CALD1: variants seen among roughly 807,000 people sequenced by gnomAD.
CALD1 encodes caldesmon.
Under a neutral mutation model 99.9 loss-of-function variants are expected in CALD1, and 33 were observed. The ratio of observed to expected loss-of-function variants is 0.33; its 90% CI spans 0.25 to 0.44. The LOEUF (loss-of-function observed/expected upper bound fraction) is 0.44, where lower values mean the gene tolerates loss of function less well. Ranked by LOEUF, CALD1 falls within the 20% of genes least tolerant of loss-of-function variation. The pLI is 1.00. For missense variants in CALD1, 861 were observed against 962.1 expected (o/e 0.89, Z 1.39); for synonymous variants, 310 against 325.0 (o/e 0.95, Z 0.50).
intron 13 of CALD1, among the ~76,000 whole-genome samples, chr7:134,964,781 A>C (rs759960550): frequency 6.6e-5 from 10 of 152,200 alleles, no homozygotes; most frequent in Non-Finnish European, 1.2e-4. Context: ...AGAAATTTAA[A>C]ATGAGGCTAC....
rs1047992479 is a variant in CALD1 at position 134,915,764 on chromosome 7, T to G, written c.72-12990T>G. Among the ~76,000 whole-genome samples, 5 of 152,236 alleles carry G rather than the reference T, an allele frequency of 3.3e-5. No homozygotes were observed. In the East Asian group the frequency reaches 9.6e-4, roughly 29 times the overall value. ...TCACATTTTTATAGGGGTCTTCTAT[T>G]AACTCAAAGGGAGTCTTTAAGCATA... is the stretch of plus-strand genomic sequence containing the variant. On this transcript the variant is annotated intron_variant, in intron 3 of 14. Transcript: ENST00000361675.
chr7:134,924,596 G>C (rs1804852448), intron 3 of CALD1, among the ~76,000 whole-genome samples: 2 of 152,046 alleles, frequency 1.3e-5, no homozygotes, highest in Non-Finnish European at 2.9e-5. Context: ...CCAGCAACTG[G>C]ACATGTTATG....
chr7:134,754,730 T>C (rs976924044), intron 1 of CALD1, among the ~76,000 whole-genome samples: 2 of 103,924 alleles, frequency 1.9e-5, no homozygotes, highest in South Asian at 1.0e-3. Flanking sequence ...ACATATAGAG[T>C]TCATTCTACT....
chr7:134,773,779 CTT>C (rs1491574078), intron 1 of CALD1, among the ~76,000 whole-genome samples: 1 of 138,334 alleles, frequency 7.2e-6, no homozygotes, highest in East Asian at 2.0e-4. Flanking sequence ...CCCAACCTCT[CTT>C]CTGTGTGTGT....
chr7:134,732,080 T>C, the CALD1 span, among the ~76,000 whole-genome samples: 2 of 152,234 alleles, frequency 1.3e-5, no homozygotes, highest in Non-Finnish European at 2.9e-5. Flanking sequence ...TTTGTTGTTT[T>C]CTTTTTATTT....
intron 3 of CALD1, chr7:134,891,564 C>T: frequency 6.4e-7 from 1 of 1,568,682 alleles, no homozygotes; most frequent in Non-Finnish European, 8.6e-7. Flanking sequence ...CCCTGACCGC[C>T]CGGCCTGGCC....
chr7:134,743,663 G>C (rs188552282), upstream of CALD1, among the ~76,000 whole-genome samples: 1 of 152,300 alleles, frequency 6.6e-6, no homozygotes, highest in African/African-American at 2.4e-5. Flanking sequence ...TATTAGCTTG[G>C]AATCAATCAG....
At chr7:134,913,215 G>A (rs1003759069) in intron 3 of CALD1, among the ~76,000 whole-genome samples, 1 of 151,978 alleles carries the variant, frequency 6.6e-6, no homozygotes, top group African/African-American at 2.4e-5. Flanking sequence ...GCAGTGAGCC[G>A]AGATTATGCC....
At chr7:134,833,775 G>C (rs1799322359) in intron 1 of CALD1, among the ~76,000 whole-genome samples, 1 of 152,220 alleles carries the variant, frequency 6.6e-6, no homozygotes, top group African/African-American at 2.4e-5. Flanking sequence ...TCTGAGAGCA[G>C]TGACCTTGTC....
intron 1 of CALD1, among the ~76,000 whole-genome samples, chr7:134,835,623 C>T (rs1197998458): frequency 6.6e-6 from 1 of 152,128 alleles, no homozygotes; most frequent in East Asian, 1.9e-4. Context: ...TCAGAGTTGA[C>T]TTAATTGCAC....
Position 134,862,642 on chromosome 7 carries a change from T to C in CALD1, c.-41-5051T>C, listed in dbSNP as rs143168579. Among the ~76,000 whole-genome samples the C allele has an allele frequency of 5.3e-3, 802 of 152,334 alleles. 2 individuals carry two copies. The highest frequency in any genetic ancestry group is 7.9e-3 in the Non-Finnish European group (538 of 68,026). On this transcript the variant is annotated intron_variant, in intron 2 of 14. Coordinates refer to ENST00000361675, the MANE Select transcript of CALD1 (RefSeq NM_033138.4). ...GAAGCTATTCTGTATGATGCTACTA[T>C]GGTGAATACATGACATTCGGTATTT...
chr7:134,964,121 C>T (rs183182235), intron 13 of CALD1, among the ~76,000 whole-genome samples: 7 of 152,214 alleles, frequency 4.6e-5, no homozygotes, highest in Admixed American at 3.9e-4. Context: ...CGCTTGAACC[C>T]GGGAGTCGGA....
chr7:134,887,856 G>A (rs143726092), intron 3 of CALD1, among the ~76,000 whole-genome samples: 5 of 152,104 alleles, frequency 3.3e-5, no homozygotes, highest in Admixed American at 3.3e-4. Context: ...GTGTGTGCCT[G>A]TGTGTGCATG....
intron 7 of CALD1, among the ~76,000 whole-genome samples, chr7:134,942,984 G>C (rs920108692): frequency 6.6e-6 from 1 of 152,080 alleles, no homozygotes; most frequent in Non-Finnish European, 1.5e-5. Flanking sequence ...TGTGACTCTG[G>C]CCTTAATTTT....
At chr7:134,899,207 CTTTTTTTTTT>C (rs981812367) in intron 3 of CALD1, among the ~76,000 whole-genome samples, 39 of 138,002 alleles carry the variant, frequency 2.8e-4, no homozygotes, top group Admixed American at 1.4e-3. Context: ...CTTTCTTTTT[CTTTTTTTTTT>C]TTTTTTGAGA....
chr7:134,787,006 T>C (rs1483567744), intron 1 of CALD1, among the ~76,000 whole-genome samples: 1 of 152,218 alleles, frequency 6.6e-6, no homozygotes, highest in Non-Finnish European at 1.5e-5. Context: ...CCCTGGTGAC[T>C]CTGATAAAAC....
the CALD1 span, among the ~76,000 whole-genome samples, chr7:134,714,937 G>A: frequency 6.6e-6 from 1 of 152,108 alleles, no homozygotes; most frequent in South Asian, 2.1e-4. Context: ...TATCTGGTCT[G>A]GAAAACAAGT....
At chr7:134,844,759 C>A (rs1799784559) in intron 2 of CALD1, among the ~76,000 whole-genome samples, 1 of 151,130 alleles carries the variant, frequency 6.6e-6, no homozygotes, top group South Asian at 2.1e-4. Flanking sequence ...GCCCTCCTTG[C>A]AGATGGCCAC....
intron 1 of CALD1, among the ~76,000 whole-genome samples, chr7:134,803,458 TC>T (rs1228931143): frequency 6.6e-6 from 1 of 152,136 alleles, no homozygotes. Flanking sequence ...ATTTGCATAC[TC>T]TATCTAGGTT....
Sources: allele counts gnomAD v4.1 joint callset (sites outside exome capture counted in the v4.1 genomes callset), GRCh38; gene constraint gnomAD v4.1.1; transcripts MANE v1.5; gene names NCBI Gene and HGNC (gene_info 2026-07-23, HGNC 2026-07-21).